The following RNF11 variants were observed in gnomAD, a reference collection of about 807,000 sequenced individuals.
RNF11 encodes ring finger protein 11.
Under a neutral mutation model 15.8 loss-of-function variants are expected in RNF11, and 4 were observed. That is an observed-to-expected ratio of 0.25 (90% CI 0.12 to 0.58). RNF11 has a LOEUF of 0.58. RNF11 is among the 20% of genes least tolerant of loss of function. The pLI, the probability that RNF11 is intolerant of heterozygous loss-of-function variation, is 0.91. For missense variants in RNF11, 139 were observed against 194.4 expected (o/e 0.71, Z 1.70); for synonymous variants, 68 against 72.3 (o/e 0.94, Z 0.30).
At chr1:51,261,598 G>T (rs1416271134) in intron 1 of RNF11, among the ~76,000 whole-genome samples, 1 of 152,166 alleles carries the variant, frequency 6.6e-6, no homozygotes, top group Non-Finnish European at 1.5e-5. Flanking sequence ...GGAGTGCAGT[G>T]GCACGATCTC....
chr1:51,251,114 G>A, intron 1 of RNF11: 1 of 1,552,978 alleles, frequency 6.4e-7, no homozygotes, highest in Non-Finnish European at 8.7e-7. Flanking sequence ...CCTTGAACCT[G>A]GTGCGCTGGC....
chr1:51,251,437 CG>C, intron 1 of RNF11: 2 of 896,616 alleles, frequency 2.2e-6, no homozygotes, highest in East Asian at 2.7e-5. Flanking sequence ...CCAGGGCCTC[CG>C]GGCCCCCCCC....
At position 51,272,543 on chromosome 1, in the gene RNF11, TC is replaced by T. The variant is rs2148076325; in HGVS notation, c.*1223del. On this transcript the variant is annotated 3_prime_UTR_variant, in exon 3 of 3. Coordinates refer to ENST00000242719, the MANE Select transcript of RNF11 (RefSeq NM_014372.5). ...GTGATCTCAAAAAAGAAGGAATTTCTCCTTTGTTTCTTGCAGTTAATGTAAG... is the reference window on the plus strand; with the variant it reads ...GTGATCTCAAAAAAGAAGGAATTTCTCTTTGTTTCTTGCAGTTAATGTAAG... 6.5e-6 allele frequency: 1 copy of T among 152,764 alleles called. No homozygotes were observed. Among genetic ancestry groups the T allele is most frequent in the African/African-American group, 2.4e-5 (1 of 41,594 alleles). The allele number at this position is 152,764 out of a possible 1,614,324, so 9.5% of individuals were successfully genotyped here.
At chr1:51,252,081 C>CAAAAAAAAAAAAAAAAAA (rs928146865) in intron 1 of RNF11, among the ~76,000 whole-genome samples, 2 of 53,640 alleles carry the variant, frequency 3.7e-5, no homozygotes, top group African/African-American at 7.1e-5. Flanking sequence ...CATCTCAAAG[C>CAAAAAAAAAAAAAAAAAA]AAAAAAAAAA....
chr1:51,258,829 A>G (rs1423860723), intron 1 of RNF11, among the ~76,000 whole-genome samples: 5 of 152,116 alleles, frequency 3.3e-5, no homozygotes, highest in Admixed American at 2.0e-4. Flanking sequence ...TAGTGTAGTT[A>G]TTACTAAGGC....
chr1:51,269,332 G>A (rs1646968581), intron 1 of RNF11, among the ~76,000 whole-genome samples: 1 of 152,232 alleles, frequency 6.6e-6, no homozygotes, highest in South Asian at 2.1e-4. Context: ...TCAGGAGGCT[G>A]AGGTTGGAGG....
chr1:51,255,605 C>A (rs1000118742), intron 1 of RNF11, among the ~76,000 whole-genome samples: 2 of 152,160 alleles, frequency 1.3e-5, no homozygotes, highest in African/African-American at 4.8e-5. Context: ...AGTGATTAAT[C>A]CTGATAAAAA....
intron 1 of RNF11, chr1:51,264,790 G>T (rs1646947642): frequency 6.6e-6 from 1 of 152,112 alleles, no homozygotes; most frequent in African/African-American, 2.4e-5. Context: ...TTCTGAAATT[G>T]TATCACATTC....
In RNF11 at chr1:51,269,829, C is replaced by T. The variant is rs1361093249; in HGVS notation, c.124-127C>T. ...TAAGGCAGGGTGAAACACAGTCATA[C>T]AGCCAAACACTAGCCCAGCTTCCTA... On this transcript the variant is annotated intron_variant, in intron 1 of 2. Transcript: ENST00000242719. 9 of 719,392 alleles carry T rather than the reference C, an allele frequency of 1.3e-5. 1 individual carries two copies. The East Asian group carries it at 2.4e-4, about 19-fold the overall frequency. 44.6% of individuals were successfully genotyped at this position (719,392 alleles called of 1,614,324 possible). A position where few individuals can be genotyped will look rare whatever the true frequency, so the allele number is the denominator to read the frequency against.
chr1:51,257,752 C>T (rs1367587713), intron 1 of RNF11, among the ~76,000 whole-genome samples: 5 of 151,790 alleles, frequency 3.3e-5, no homozygotes, highest in Non-Finnish European at 7.4e-5. Context: ...GCTACTGTGC[C>T]CAGCCTTGAC....
chr1:51,268,544 G>A (rs550223143), intron 1 of RNF11, among the ~76,000 whole-genome samples: 51 of 152,286 alleles, frequency 3.3e-4, no homozygotes, highest in African/African-American at 5.3e-4. Flanking sequence ...CCACAAGACT[G>A]AAGAAATCTA....
At chr1:51,257,427 A>T (rs1337883034) in intron 1 of RNF11, among the ~76,000 whole-genome samples, 7 of 152,010 alleles carry the variant, frequency 4.6e-5, no homozygotes, top group Non-Finnish European at 2.9e-5. Context: ...TTTTTATTTT[A>T]ATTTTCTTTA....
At chr1:51,264,317 T>TATATATACAC (rs376694497) in intron 1 of RNF11, among the ~76,000 whole-genome samples, 25 of 75,494 alleles carry the variant, frequency 3.3e-4, no homozygotes, top group African/African-American at 6.8e-4. Flanking sequence ...TATATATATA[T>TATATATACAC]ACACACACAC....
chr1:51,243,210 T>C (rs1646837922), intron 1 of RNF11, among the ~76,000 whole-genome samples: 3 of 152,220 alleles, frequency 2.0e-5, no homozygotes, highest in Admixed American at 1.3e-4. Flanking sequence ...GATATCTTAG[T>C]GGAGTAGAAT....
At chr1:51,258,744 G>T (rs1646916297) in intron 1 of RNF11, among the ~76,000 whole-genome samples, 1 of 152,234 alleles carries the variant, frequency 6.6e-6, no homozygotes, top group African/African-American at 2.4e-5. Context: ...TTCTCAGTTG[G>T]TGATTTCCTT....
intron 1 of RNF11, among the ~76,000 whole-genome samples, chr1:51,263,557 AT>A (rs1248144958): frequency 6.6e-6 from 1 of 152,142 alleles, no homozygotes; most frequent in Admixed American, 6.5e-5. Flanking sequence ...TCTCTGCTAC[AT>A]TTGGTAATTC....
At chr1:51,251,423 C>T in intron 1 of RNF11, 1 of 1,156,200 alleles carries the variant, frequency 8.6e-7, no homozygotes, top group South Asian at 1.3e-5. Context: ...CGCAGTTCCC[C>T]ATCCCAGGGC....
At chr1:51,249,819 A>C (rs1007589445) in intron 1 of RNF11, among the ~76,000 whole-genome samples, 6 of 152,206 alleles carry the variant, frequency 3.9e-5, no homozygotes, top group African/African-American at 1.4e-4. Flanking sequence ...GAGTTACTGG[A>C]TAATGGAGCC....
Position 51,271,322 on chromosome 1 carries a change from A to T in RNF11, c.465A>T (p.Ter155CysextTer17), listed in dbSNP as rs750945149. 6.2e-7 allele frequency: 1 copy of T among 1,608,344 alleles called. No homozygotes were observed. Among genetic ancestry groups the T allele is most frequent in the Non-Finnish European group, 8.5e-7 (1 of 1,176,120 alleles). Reference sequence around the variant, plus strand: ...TGCTTTCATCCTATGAGACTAATTGAGCCAGGGTCTCTTATCTGACTTCAA... The same window carrying T: ...TGCTTTCATCCTATGAGACTAATTGTGCCAGGGTCTCTTATCTGACTTCAA... ...AALLSSYETN* is the reference protein window; with the variant it reads ...AALLSSYETNC The change falls in exon 3 of 3, where the codon TGA becomes TGT. Residue 155 changes from the stop codon to cysteine (C), a stop_lost. Coordinates refer to ENST00000242719, the MANE Select transcript of RNF11 (RefSeq NM_014372.5).
Sources: allele counts gnomAD v4.1 joint callset (sites outside exome capture counted in the v4.1 genomes callset), GRCh38; gene constraint gnomAD v4.1.1; transcripts MANE v1.5; gene names NCBI Gene and HGNC (gene_info 2026-07-23, HGNC 2026-07-21).